SPTB: variants seen among roughly 807,000 people sequenced by gnomAD.
The protein encoded by SPTB is spectrin beta, erythrocytic, also known as spectrin beta chain, erythrocytic.
Under a neutral mutation model 256.2 loss-of-function variants are expected in SPTB, and 45 were observed. The observed-to-expected ratio is 0.18, with a 90% CI of 0.14 to 0.23. The LOEUF (loss-of-function observed/expected upper bound fraction) is 0.23. Ranked by LOEUF, SPTB falls within the 10% of genes least tolerant of loss-of-function variation. The probability of loss-of-function intolerance (pLI) is 1.00; values close to 1 mark genes in which losing one functional copy is unlikely to be tolerated. For missense variants in SPTB, 2,715 were observed against 3,040.4 expected (o/e 0.89, Z 2.52); for synonymous variants, 1,231 against 1,243.1 (o/e 0.99, Z 0.21).
intron 6 of SPTB, 69 bp downstream of exon 6, chr14:64,801,685 T>C: frequency 2.1e-6 from 3 of 1,458,898 alleles, no homozygotes; most frequent in South Asian, 1.1e-5. Flanking sequence ...CCATGTTAAG[T>C]GCAATGTGTC....
rs1201656534 is a variant in SPTB at position 64,852,869 on chromosome 14, T to A, written c.-52+26923A>T. Among the ~76,000 whole-genome samples, 1 of 152,166 alleles carries A rather than the reference T, an allele frequency of 6.6e-6. No homozygotes were observed. Among genetic ancestry groups the A allele is most frequent in the Non-Finnish European group, 1.5e-5 (1 of 68,036 alleles). On this transcript the variant is annotated intron_variant, in intron 1 of 35. Transcript: ENST00000644917. This position sits in a 1 kb window ranked among gnomAD's most constrained non-coding sequence, Gnocchi z 4.2. Reference sequence around the variant, plus strand: ...AAAATAGACAGGCTTTCTGCTCTCGTGGTACTTTCAGTCCAGCAAGGAAGA... The same window carrying A: ...AAAATAGACAGGCTTTCTGCTCTCGAGGTACTTTCAGTCCAGCAAGGAAGA...
chr14:64,833,469 T>C (rs768664853), intron 1 of SPTB, among the ~76,000 whole-genome samples: 10 of 151,902 alleles, frequency 6.6e-5, no homozygotes, highest in Non-Finnish European at 1.5e-4. Context: ...GGAGAATTAC[T>C]TGAACCTGGG....
chr14:64,765,161 G>A (rs1046108658), intron 32 of SPTB, among the ~76,000 whole-genome samples: 1 of 152,040 alleles, frequency 6.6e-6, no homozygotes, highest in African/African-American at 2.4e-5. Context: ...GGGTGTGACT[G>A]GTGTACCAGA....
At chr14:64,769,868 G>T (rs1594756143) in intron 27 of SPTB, 140 bp from the exon 28 acceptor site, 2 of 1,142,068 alleles carry the variant, frequency 1.8e-6, no homozygotes, top group South Asian at 1.3e-5. Flanking sequence ...CAGCCAGGGG[G>T]TCCTCCGCCA....
intron 8 of SPTB, among the ~76,000 whole-genome samples, 154 bp downstream of exon 8, chr14:64,800,602 A>AACATT (rs2082864806): frequency 6.6e-6 from 1 of 152,228 alleles, no homozygotes. Context: ...AATTCAGCTC[A>AACATT]GGAGCCATCA....
Position 64,772,924 on chromosome 14 carries a change from G to A in SPTB, c.5209C>T (p.Arg1737Trp), listed in dbSNP as rs149727354. ...LLRDKFRDFARETGAIGQERV... is the reference protein window; with the variant it reads ...LLRDKFRDFAWETGAIGQERV... ...TCCTGCCCAATCGCCCCGGTCTCCC[G>A]GGCAAAGTCCCGGAACTTGTCCCGC... is the stretch of plus-strand genomic sequence containing the variant. The change falls in exon 26 of 36, where the codon CGG (arginine) becomes TGG (tryptophan). Residue 1737 changes from arginine (R) to tryptophan (W), a missense_variant. Arg to Trp is a moderately radical substitution (Grantham distance 101). This residue lies in a region of SPTB where 2,239 missense variants were observed against 2,384.4 expected (regional missense o/e 0.94). Transcript: ENST00000644917. The surrounding 1 kb of genome is among the most constrained non-coding windows in gnomAD (Gnocchi z 5.4). 836 of 1,603,442 alleles carry A rather than the reference G, an allele frequency of 5.2e-4. No homozygotes were observed. The highest frequency in any genetic ancestry group is 6.6e-4 in the Non-Finnish European group (778 of 1,173,820).
Position 64,795,555 on chromosome 14 carries a change from C to T in SPTB, c.1426G>A (p.Glu476Lys), listed in dbSNP as rs1288189443. 6.2e-7 allele frequency: 1 copy of T among 1,614,170 alleles called. No individual in the cohort carries two copies. The highest frequency in any genetic ancestry group is 1.6e-4 in the Middle Eastern group (1 of 6,062). The change falls in exon 12 of 36, where the codon GAG (glutamate) becomes AAG (lysine). Residue 476 changes from glutamate (E) to lysine (K), a missense_variant. Transcript: ENST00000644917. The surrounding 1 kb of genome is among the most constrained non-coding windows in gnomAD (Gnocchi z 6.5). ...AIETDTAAYE[E>K]RVRALEDLAQ... ...AGGTCCTCCAGGGCTCTCACCCGCT[C>T]CTCGTAGGCAGCCGTGTCGGTCTCG...
chr14:64,749,590 G>A lies in SPTB; in HGVS notation c.6819+64C>T. On this transcript the variant is annotated intron_variant, in intron 35 of 35. Transcript: ENST00000644917. The surrounding 1 kb of genome is among the most constrained non-coding windows in gnomAD (Gnocchi z 4.7). ...CCTTCTGAGGGGGCCTCCAGGGCAA[G>A]CGGCCTGGGGTCCTCCACCTACCCC... 6 of 1,609,398 alleles carry A rather than the reference G, an allele frequency of 3.7e-6. No homozygotes were observed. The highest frequency in any genetic ancestry group is 5.1e-6 in the Non-Finnish European group (6 of 1,179,090).
At chr14:64,751,683 T>C (rs187345081) in intron 33 of SPTB, among the ~76,000 whole-genome samples, 1 of 152,266 alleles carries the variant, frequency 6.6e-6, no homozygotes, top group African/African-American at 2.4e-5. Flanking sequence ...TGATTCTCAC[T>C]AAAGAACTGT....
At chr14:64,781,996 T>G (rs1223902305) in intron 20 of SPTB, among the ~76,000 whole-genome samples, 2 of 152,202 alleles carry the variant, frequency 1.3e-5, no homozygotes, top group Non-Finnish European at 2.9e-5. Flanking sequence ...TTCTCACTTA[T>G]AAGTGGGAGC....
At position 64,758,230 on chromosome 14, in the gene SPTB, C is replaced by T. The variant is rs2082043354; in HGVS notation, c.6346-4437G>A. Among the ~76,000 whole-genome samples the T allele has an allele frequency of 6.6e-6, 1 of 152,234 alleles. No individual in the cohort carries two copies. Among genetic ancestry groups the T allele is most frequent in the African/African-American group, 2.4e-5 (1 of 41,470 alleles). ...GGGCTGGTGTAAGGATCTCAAAAAC[C>T]CTCTTGTTCCTGGAGTAGCAGATGC... On this transcript the variant is annotated intron_variant, in intron 32 of 35. Transcript: ENST00000644917. This position sits in a 1 kb window ranked among gnomAD's most constrained non-coding sequence, Gnocchi z 4.6.
chr14:64,781,898 G>C (rs1420794820), intron 20 of SPTB, among the ~76,000 whole-genome samples: 1 of 152,160 alleles, frequency 6.6e-6, no homozygotes, highest in Non-Finnish European at 1.5e-5. Flanking sequence ...AAAAGAACGA[G>C]ATCATGTCTT....
At chr14:64,861,913 T>C (rs1881863640) in intron 1 of SPTB, among the ~76,000 whole-genome samples, 1 of 152,204 alleles carries the variant, frequency 6.6e-6, no homozygotes, top group Admixed American at 6.5e-5. Flanking sequence ...CTCCTGGCTC[T>C]TCATCCTCAT....
Position 64,803,731 on chromosome 14 carries a change from T to A in SPTB, c.350A>T (p.Asp117Val). The A allele has an allele frequency of 6.2e-7, 1 of 1,614,106 alleles. No homozygotes were observed. Among genetic ancestry groups the A allele is most frequent in the Non-Finnish European group, 8.5e-7 (1 of 1,180,008 alleles). ...CTCCTTGAGGAACTGGAGAGCCTTG[T>A]CCACATTCTCCAGGCAGTGGATGCG... Reference protein sequence around the residue: ...KMRIHCLENVDKALQFLKEQR... With the variant: ...KMRIHCLENVVKALQFLKEQR... The change falls in exon 4 of 36, where the codon GAC (aspartate) becomes GTC (valine). Residue 117 changes from aspartate (D) to valine (V), a missense_variant. Around this residue, in one of 4 missense-constraint regions of SPTB, gnomAD observed 416 missense variants for 571.1 expected, o/e 0.73. Coordinates refer to ENST00000644917, the MANE Select transcript of SPTB (RefSeq NM_001355436.2).
chr14:64,765,024 G>A (rs2082145545), intron 32 of SPTB, among the ~76,000 whole-genome samples: 1 of 131,876 alleles, frequency 7.6e-6, no homozygotes, highest in African/African-American at 3.4e-5. Context: ...AGGAGTGTGT[G>A]CGTGTGTGTG....
At chr14:64,750,312 CA>C (rs1555364782) in intron 33 of SPTB, 158 bp from the exon 34 acceptor site, 6 of 812,522 alleles carry the variant, frequency 7.4e-6, no homozygotes, top group South Asian at 6.9e-5. Flanking sequence ...AATTTCATTA[CA>C]AAAAATTAGC....
intron 1 of SPTB, among the ~76,000 whole-genome samples, chr14:64,836,004 G>C (rs1315490057): frequency 1.3e-5 from 2 of 152,164 alleles, no homozygotes; most frequent in African/African-American, 4.8e-5. Flanking sequence ...GGGTCTACCA[G>C]TATCAATATT....
chr14:64,797,197 G>A (rs4902315), intron 10 of SPTB, among the ~76,000 whole-genome samples: 24,317 of 152,080 alleles, frequency 0.16, 1,965 homozygotes, highest in Middle Eastern at 0.19. Flanking sequence ...CGGAGGCTGG[G>A]TGTGATGGCT....
At chr14:64,782,256 C>A (rs1312356473) in intron 20 of SPTB, 34 bp downstream of exon 20, 1 of 1,614,004 alleles carries the variant, frequency 6.2e-7, no homozygotes, top group Non-Finnish European at 8.5e-7. Flanking sequence ...TCCCTTCTAT[C>A]CTAACACTCT....
Sources: gnomAD v4.1 joint callset for allele counts (sites outside exome capture counted in the v4.1 genomes callset) on GRCh38, gnomAD v4.1.1 for gene constraint, gnomAD v4.1.1 regional missense constraint, Gnocchi (gnomAD v3.1) non-coding constraint, MANE v1.5 for transcripts, NCBI Gene and HGNC (gene_info 2026-07-23, HGNC 2026-07-21) for gene names.